Variants in ARID1B observed in about 807,000 individuals in gnomAD.
The protein encoded by ARID1B is AT-rich interactive domain-containing protein 1B.
ARID1B carries 30 observed loss-of-function variants against 212.3 expected under a neutral mutation model. The observed-to-expected ratio is 0.14, with a 90% confidence interval of 0.11 to 0.19. The LOEUF is 0.19. Ranked by LOEUF, ARID1B falls within the 10% of genes least tolerant of loss-of-function variation. ARID1B has a pLI of 1.00. For missense variants in ARID1B, 2,891 were observed against 3,204.0 expected (o/e 0.90, Z 2.36); for synonymous variants, 1,402 against 1,301.7 (o/e 1.08, Z -1.66).
At position 157,148,836 on chromosome 6, in the gene ARID1B, G is replaced by C. The variant is rs1379941598; in HGVS notation, c.2974G>C (p.Gly992Arg). The C allele has an allele frequency of 5.6e-6, 9 of 1,613,028 alleles. No homozygotes were observed. Among genetic ancestry groups the C allele is most frequent in the Non-Finnish European group, 7.6e-6 (9 of 1,179,948 alleles). The stretch of plus-strand genomic sequence containing the variant: ...GAGCAGCATGACCCCCAGTTCTCCT[G>C]GCATGTCTCAGCAGGGAGGGCCAGG... Reference protein sequence around the residue: ...NMSSMTPSSPGMSQQGGPGMG... With the variant: ...NMSSMTPSSPRMSQQGGPGMG... Residue 992 changes from glycine to arginine, a missense_variant, in exon 8 of 20, where the codon GGC (glycine) becomes CGC (arginine). Gly to Arg is a moderately radical substitution (Grantham distance 125, BLOSUM62 -2). Transcript: ENST00000636930. This position sits in a 1 kb window ranked among gnomAD's most constrained non-coding sequence, Gnocchi z 5.6.
chr6:156,895,730 G>A (rs1480199715), intron 2 of ARID1B, among the ~76,000 whole-genome samples: 2 of 146,014 alleles, frequency 1.4e-5, no homozygotes, highest in African/African-American at 2.8e-5. Flanking sequence ...GTATATACAG[G>A]TGTATACACA....
At chr6:156,946,261 G>T (rs1446669822) in intron 4 of ARID1B, among the ~76,000 whole-genome samples, 2 of 151,590 alleles carry the variant, frequency 1.3e-5, no homozygotes, top group Admixed American at 1.3e-4. Flanking sequence ...TATCCCAGCT[G>T]CTCGGGAGGC....
chr6:156,839,691 T>G (rs1783758987), intron 2 of ARID1B, among the ~76,000 whole-genome samples: 1 of 152,190 alleles, frequency 6.6e-6, no homozygotes, highest in Admixed American at 6.5e-5. Flanking sequence ...ATCTGATGTA[T>G]CACAGCACAC....
chr6:156,833,854 A>T (rs919178876), intron 2 of ARID1B, among the ~76,000 whole-genome samples: 4 of 152,176 alleles, frequency 2.6e-5, no homozygotes, highest in African/African-American at 9.7e-5. Context: ...TTTATTTCAG[A>T]ACATAAGCAT....
At chr6:157,087,803 G>GA (rs11390752) in intron 5 of ARID1B, among the ~76,000 whole-genome samples, 85,544 of 146,166 alleles carry the variant, frequency 0.59, 24,769 homozygotes, top group Middle Eastern at 0.69. Flanking sequence ...TTTTCTTCTA[G>GA]AAAAAAAAAA....
At position 157,084,741 on chromosome 6, in the gene ARID1B, C is replaced by T. The variant is rs762908553; in HGVS notation, c.2327C>T (p.Thr776Met). Reference protein sequence around the residue: ...LSSAVSASGSTSSQGDQSNPA... With the variant: ...LSSAVSASGSMSSQGDQSNPA... ...TCAGCAGTCAGTGCATCCGGGTCCACGAGCAGCCAAGGGGATCAGAGCAAC... is the reference window on the plus strand; with the variant it reads ...TCAGCAGTCAGTGCATCCGGGTCCATGAGCAGCCAAGGGGATCAGAGCAAC... The change falls in exon 5 of 20, where the codon ACG becomes ATG. Residue 776 changes from threonine to methionine, a missense_variant. Physicochemically the swap from Thr to Met is moderately conservative, Grantham distance 81. Coordinates refer to ENST00000636930, the MANE Select transcript of ARID1B (RefSeq NM_001374828.1). 12 of 1,614,030 alleles carry T rather than the reference C, an allele frequency of 7.4e-6. No individual in the cohort carries two copies. Among genetic ancestry groups the T allele is most frequent in the Middle Eastern group, 1.6e-4 (1 of 6,084 alleles).
chr6:157,136,504 A>G (rs1788917993), intron 7 of ARID1B, among the ~76,000 whole-genome samples: 1 of 152,228 alleles, frequency 6.6e-6, no homozygotes, highest in Non-Finnish European at 1.5e-5. Flanking sequence ...CACTAGGGAT[A>G]TAAAACCAAA....
At chr6:157,202,264 C>T (rs746772437) in intron 18 of ARID1B, among the ~76,000 whole-genome samples, 10 of 152,062 alleles carry the variant, frequency 6.6e-5, no homozygotes, top group Admixed American at 1.3e-4. Flanking sequence ...AGGGTTTCTG[C>T]ATTATTTTTG....
rs869280492 is a variant in ARID1B, at chr6:157,103,831, C to CTTTTT, written c.2492-6623_2492-6619dup. On this transcript the variant is annotated intron_variant, in intron 5 of 19. Transcript: ENST00000636930. ...TGCAAAGTTGGTTCAATATTAACAACTTTTTTTTTTTTTTTTTTTTTTGAG... is the reference window on the plus strand; with the variant it reads ...TGCAAAGTTGGTTCAATATTAACAACTTTTTTTTTTTTTTTTTTTTTTTTTTTGAG... Among the ~76,000 whole-genome samples, 163 of 118,350 alleles carry CTTTTT rather than the reference C, an allele frequency of 1.4e-3. 8 individuals are homozygous for CTTTTT. The highest frequency in any genetic ancestry group is 5.6e-3 in the African/African-American group (159 of 28,648). 77.6% of individuals were successfully genotyped at this position (118,350 alleles called of 152,430 possible). A position where few individuals can be genotyped will look rare whatever the true frequency, so the allele number is the denominator to read the frequency against.
chr6:157,081,966 C>T (rs1784656190), intron 4 of ARID1B, among the ~76,000 whole-genome samples: 1 of 152,054 alleles, frequency 6.6e-6, no homozygotes, highest in African/African-American at 2.4e-5. Context: ...AGCCTATTTC[C>T]TGCCTGATGG....
chr6:157,089,544 T>C (rs1252443600), intron 5 of ARID1B, among the ~76,000 whole-genome samples: 31 of 152,212 alleles, frequency 2.0e-4, no homozygotes, highest in Admixed American at 2.0e-3. Flanking sequence ...TGTTTGCACA[T>C]TCCTGGGCTC....
chr6:156,915,436 C>A (rs1482058045), intron 3 of ARID1B, among the ~76,000 whole-genome samples: 1 of 151,174 alleles, frequency 6.6e-6, no homozygotes, highest in East Asian at 2.0e-4. Flanking sequence ...GGTGTGGTCG[C>A]GCATGCCTGT....
At chr6:156,846,189 C>CTA (rs1383939680) in intron 2 of ARID1B, among the ~76,000 whole-genome samples, 4 of 152,134 alleles carry the variant, frequency 2.6e-5, no homozygotes, top group Admixed American at 2.6e-4. Context: ...GAGTCTCACT[C>CTA]TGTCACCCAG....
intron 6 of ARID1B, among the ~76,000 whole-genome samples, chr6:157,112,292 C>G (rs928787168): frequency 6.6e-6 from 1 of 152,182 alleles, no homozygotes; most frequent in African/African-American, 2.4e-5. Flanking sequence ...CCTCATATGG[C>G]TCTGGTCATC....
intron 1 of ARID1B, among the ~76,000 whole-genome samples, chr6:156,823,083 T>C (rs2128023055): frequency 1.3e-5 from 2 of 152,338 alleles, no homozygotes; most frequent in Middle Eastern, 6.8e-3. Context: ...CACATGGCTG[T>C]GATCTGTGTG....
intron 3 of ARID1B, among the ~76,000 whole-genome samples, chr6:156,904,487 G>C (rs568270530): frequency 6.6e-6 from 1 of 152,334 alleles, no homozygotes; most frequent in Non-Finnish European, 1.5e-5. Flanking sequence ...ATATCTGCAG[G>C]ATGAATTCTG....
intron 2 of ARID1B, chr6:156,870,402 C>T (rs1786033359): frequency 6.6e-6 from 1 of 152,204 alleles, no homozygotes; most frequent in African/African-American, 2.4e-5. Flanking sequence ...TGTTTATAAC[C>T]AGATCCTGAA....
chr6:156,951,159 A>G (rs1055241585), intron 4 of ARID1B, among the ~76,000 whole-genome samples: 1 of 152,130 alleles, frequency 6.6e-6, no homozygotes. Flanking sequence ...CTGGTGTGAC[A>G]GAATGTTTCA....
chr6:157,199,427 A>G (rs1259708959), intron 17 of ARID1B, among the ~76,000 whole-genome samples: 1 of 152,036 alleles, frequency 6.6e-6, no homozygotes, highest in Non-Finnish European at 1.5e-5. Context: ...CAGAGATGCT[A>G]AGTTACGCAG....
Sources: allele counts gnomAD v4.1 joint callset (sites outside exome capture counted in the v4.1 genomes callset), GRCh38; gene constraint gnomAD v4.1.1; non-coding constraint Gnocchi (gnomAD v3.1); transcripts MANE v1.5; gene names NCBI Gene and HGNC (gene_info 2026-07-23, HGNC 2026-07-21).